Variants in TVP23C observed in about 807,000 individuals in gnomAD.
TVP23C encodes trans-golgi network vesicle protein 23 homolog C.
In TVP23C, 19 loss-of-function variants were observed where a neutral mutation model predicts 28.7. That is an observed-to-expected ratio of 0.66 (90% CI 0.46 to 0.97). TVP23C has a LOEUF of 0.97. Ranked by LOEUF, TVP23C falls within the 50% of genes least tolerant of loss-of-function variation. The pLI is 0.00. For synonymous variants in TVP23C, 68 were observed against 81.7 expected (o/e 0.83, Z 0.90); for missense variants, 186 against 241.3 (o/e 0.77, Z 1.52).
chr17:15,526,284 C>CACTTTGCTAATT (rs1982724017), intron 5 of TVP23C, among the ~76,000 whole-genome samples: 1 of 152,112 alleles, frequency 6.6e-6, no homozygotes, highest in Non-Finnish European at 1.5e-5. Context: ...GGCTTCAAAT[C>CACTTTGCTAATT]TGACATATCT....
chr17:15,525,966 A>G (rs943153846), intron 5 of TVP23C, among the ~76,000 whole-genome samples: 2 of 152,234 alleles, frequency 1.3e-5, no homozygotes, highest in Admixed American at 1.3e-4. Context: ...AAAGAGATTA[A>G]GTATCTCATG....
intron 5 of TVP23C, among the ~76,000 whole-genome samples, chr17:15,528,303 T>G (rs529213735): frequency 6.6e-6 from 1 of 152,322 alleles, no homozygotes; most frequent in East Asian, 1.9e-4. Context: ...GTGTTTTCAT[T>G]TTCATTAATC....
chr17:15,556,384 T>A (rs1228693434), intron 1 of TVP23C, among the ~76,000 whole-genome samples: 1 of 142,638 alleles, frequency 7.0e-6, no homozygotes, highest in Non-Finnish European at 1.5e-5. Flanking sequence ...TTTTTTGAGA[T>A]GGAGTCTTGC....
At chr17:15,550,838 T>C (rs188012316) in intron 3 of TVP23C, among the ~76,000 whole-genome samples, 28 of 152,310 alleles carry the variant, frequency 1.8e-4, no homozygotes, top group African/African-American at 6.5e-4. Flanking sequence ...TTTTGTTTTT[T>C]CTAATGTCAT....
At chr17:15,547,002 T>C in intron 4 of TVP23C, 57 bp downstream of exon 4, 2 of 1,390,988 alleles carry the variant, frequency 1.4e-6, no homozygotes, top group Admixed American at 2.4e-5. Context: ...AGTATTTAAA[T>C]ATAGTCTACA....
chr17:15,521,269 T>C (rs984067812), intron 5 of TVP23C, among the ~76,000 whole-genome samples: 1 of 151,964 alleles, frequency 6.6e-6, no homozygotes, highest in Non-Finnish European at 1.5e-5. Context: ...GTTTGGGAGG[T>C]TGAGGCAGGC....
chr17:15,554,177 C>T (rs1209544569), intron 2 of TVP23C, among the ~76,000 whole-genome samples: 1 of 151,792 alleles, frequency 6.6e-6, no homozygotes, highest in Admixed American at 6.6e-5. Context: ...AAAAGAATTC[C>T]TTAGCCCTCA....
At chr17:15,506,221 T>C (rs537267485) in intron 5 of TVP23C, among the ~76,000 whole-genome samples, 1,711 of 152,330 alleles carry the variant, frequency 0.011, 34 homozygotes, top group African/African-American at 0.039. Flanking sequence ...ATCAGCACCC[T>C]GTGTTTAGCT....
chr17:15,541,641 AATAG>A (rs1983414818), intron 5 of TVP23C, among the ~76,000 whole-genome samples: 1 of 152,176 alleles, frequency 6.6e-6, no homozygotes, highest in East Asian at 1.9e-4. Flanking sequence ...ATGTTTAATT[AATAG>A]ATTTAAATGT....
chr17:15,518,282 G>A (rs914977903), intron 5 of TVP23C, among the ~76,000 whole-genome samples: 4 of 152,092 alleles, frequency 2.6e-5, no homozygotes, highest in African/African-American at 4.8e-5. Context: ...AATATAAGGG[G>A]GTTCAGAGAT....
rs559118160 is a variant in TVP23C, at chr17:15,545,711, T to C, written c.462+74A>G. On this transcript the variant is annotated intron_variant, in intron 5 of 5. Transcript: ENST00000518321. ...TAGGTCCCTAATGATAAGGACTCAG[T>C]TGCAGTTGTTGCTTCCTATGATTAC... 8.7e-5 allele frequency: 134 copies of C among 1,542,806 alleles called. No individual in the cohort carries two copies. The South Asian group carries it at 1.4e-3, about 16-fold the overall frequency.
chr17:15,553,734 C>T lies in TVP23C; in HGVS notation c.191G>A (p.Cys64Tyr). 4 of 1,613,806 alleles carry T rather than the reference C, an allele frequency of 2.5e-6. No homozygotes were observed. Among genetic ancestry groups the T allele is most frequent in the Middle Eastern group, 1.7e-4 (1 of 6,060 alleles). ...CAACAACAAGATAATTGTAACCATA[C>T]AGGTAATAAAGCTGCTGCTGAGCAA... ...CELLSSSFIT[C>Y]MVTIILLLSC... The change falls in exon 3 of 6, where the codon TGT becomes TAT. Residue 64 changes from cysteine (C) to tyrosine (Y), a missense_variant. Around this residue, in one of 3 missense-constraint regions of TVP23C, gnomAD observed 92 missense variants for 94.3 expected, o/e 0.98. Coordinates refer to ENST00000518321, the MANE Select transcript of TVP23C (RefSeq NM_001135036.2).
chr17:15,560,669 C>T lies in TVP23C; in HGVS notation c.12+2768G>A, dbSNP rs573398863. On this transcript the variant is annotated intron_variant, in intron 1 of 5. Coordinates refer to ENST00000518321, the MANE Select transcript of TVP23C (RefSeq NM_001135036.2). ...CTCCCAGGTTTACGCCATTCTCCTGCCTCAGCTTCCCGAGTAGCTGGGACT... is the reference window on the plus strand; with the variant it reads ...CTCCCAGGTTTACGCCATTCTCCTGTCTCAGCTTCCCGAGTAGCTGGGACT... Among the ~76,000 whole-genome samples the T allele has an allele frequency of 6.5e-4, 97 of 148,904 alleles. 4 individuals are homozygous for T. The highest frequency in any genetic ancestry group is 2.3e-3 in the African/African-American group (93 of 41,230).
chr17:15,523,102 C>T (rs1249314288), intron 5 of TVP23C, among the ~76,000 whole-genome samples: 5 of 151,714 alleles, frequency 3.3e-5, no homozygotes, highest in African/African-American at 1.2e-4. Flanking sequence ...TTCTGCCTCC[C>T]GGGTTCAAGT....
chr17:15,535,237 T>G (rs1459726498), downstream of TVP23C, among the ~76,000 whole-genome samples: 2 of 152,218 alleles, frequency 1.3e-5, no homozygotes, highest in African/African-American at 4.8e-5. Context: ...CTATAGAAGC[T>G]GGATGGACCT....
rs7216553 is a variant in TVP23C, at chr17:15,551,844, A to G, written c.240+1841T>C. On this transcript the variant is annotated intron_variant, in intron 3 of 5. Coordinates refer to ENST00000518321, the MANE Select transcript of TVP23C (RefSeq NM_001135036.2). ...TTTAGTAAGTACATTGAGATTTATA[A>G]CAATTACGACACATCTCCATTTTAA... Among the ~76,000 whole-genome samples, 217 of 152,286 alleles carry G rather than the reference A, an allele frequency of 1.4e-3. 1 individual carries two copies. Among genetic ancestry groups the G allele is most frequent in the African/African-American group, 4.9e-3 (202 of 41,564 alleles).
intron 5 of TVP23C, among the ~76,000 whole-genome samples, chr17:15,521,676 A>G (rs1188278483): frequency 6.6e-6 from 1 of 152,226 alleles, no homozygotes; most frequent in Non-Finnish European, 1.5e-5. Context: ...AAAAGGACAG[A>G]TATTTCAGTA....
rs1436609448 is a variant in TVP23C, at chr17:15,563,460, G to C, written c.-12C>G. The C allele has an allele frequency of 5.0e-6, 8 of 1,584,460 alleles. No homozygotes were observed. The Admixed American group carries it at 7.1e-5, about 14-fold the overall frequency. On this transcript the variant is annotated 5_prime_UTR_variant, in exon 1 of 6. Transcript: ENST00000518321. ...ACCTGCTGCAACATGGCGGCCCTAC[G>C]CCAGCCCTGCTTCCAGGAGCCACGT...
At position 15,563,239 on chromosome 17, in the gene TVP23C, C is replaced by T. The variant is rs934842841; in HGVS notation, c.12+198G>A. On this transcript the variant is annotated intron_variant, in intron 1 of 5. Coordinates refer to ENST00000518321, the MANE Select transcript of TVP23C (RefSeq NM_001135036.2). ...CAAGAAGTACTTGCTCTGCGCCGCA[C>T]GGGTCACGCCTCCCCCAGCGGCCTC... 32 of 993,974 alleles carry T rather than the reference C, an allele frequency of 3.2e-5. No homozygotes were observed. The African/African-American group carries it at 3.8e-4, about 12-fold the overall frequency. The allele number at this position is 993,974 out of a possible 1,614,324, so 61.6% of individuals were successfully genotyped here. A position where few individuals can be genotyped will look rare whatever the true frequency, so the allele number is the denominator to read the frequency against.
Sources: gnomAD v4.1 joint callset for allele counts (sites outside exome capture counted in the v4.1 genomes callset) on GRCh38, gnomAD v4.1.1 for gene constraint, gnomAD v4.1.1 regional missense constraint, MANE v1.5 for transcripts, NCBI Gene and HGNC (gene_info 2026-07-23, HGNC 2026-07-21) for gene names.